The following MAPK8 variants were observed in gnomAD, a reference collection of about 807,000 sequenced individuals.
MAPK8 encodes the protein mitogen-activated protein kinase 8.
Under a neutral mutation model 52.9 loss-of-function variants are expected in MAPK8, and 13 were observed. That is an observed-to-expected ratio of 0.25 (90% CI 0.16 to 0.39). The LOEUF (loss-of-function observed/expected upper bound fraction) is 0.39. MAPK8 is among the 10% of genes least tolerant of loss of function. The pLI is 1.00. For missense variants in MAPK8, 300 were observed against 519.2 expected (o/e 0.58, Z 4.10); for synonymous variants, 191 against 169.8 (o/e 1.12, Z -0.97).
At chr10:48,330,911 C>G (rs1844076513) in intron 1 of MAPK8, among the ~76,000 whole-genome samples, 1 of 152,156 alleles carries the variant, frequency 6.6e-6, no homozygotes, top group Non-Finnish European at 1.5e-5. Flanking sequence ...ATGAGCCATG[C>G]AATTTGTCAC....
At chr10:48,359,145 C>G (rs889092156) in intron 1 of MAPK8, among the ~76,000 whole-genome samples, 5 of 152,110 alleles carry the variant, frequency 3.3e-5, no homozygotes, top group African/African-American at 9.7e-5. Flanking sequence ...TTATTTTCTT[C>G]CTTTTACTAT....
intron 1 of MAPK8, among the ~76,000 whole-genome samples, chr10:48,312,451 G>A (rs1271906808): frequency 6.6e-6 from 1 of 152,178 alleles, no homozygotes; most frequent in African/African-American, 2.4e-5. Context: ...ACTGCCTCTT[G>A]GTGCTGAGAG....
At chr10:48,398,333 A>G (rs904127693) in intron 1 of MAPK8, among the ~76,000 whole-genome samples, 3 of 152,078 alleles carry the variant, frequency 2.0e-5, no homozygotes, top group Non-Finnish European at 4.4e-5. Context: ...AAATAATTAC[A>G]TAAACGGCAT....
At chr10:48,376,859 A>G (rs2040694720) in intron 1 of MAPK8, among the ~76,000 whole-genome samples, 1 of 152,208 alleles carries the variant, frequency 6.6e-6, no homozygotes, top group South Asian at 2.1e-4. Flanking sequence ...CAGCAATCCC[A>G]TTACTGGTTA....
In MAPK8 at chr10:48,436,923, G is replaced by A. The variant is rs1224985131; in HGVS notation, c.*1894G>A. 2 of 152,198 alleles carry A rather than the reference G, an allele frequency of 1.3e-5. No homozygotes were observed. The highest frequency in any genetic ancestry group is 2.9e-5 in the Non-Finnish European group (2 of 68,034). 9.4% of individuals were successfully genotyped at this position (152,198 alleles called of 1,614,324 possible). ...AATTTCAGCAGAAATTTGAGAATGA[G>A]TGTGTTTATATTAATTTCACAATTA... On this transcript the variant is annotated 3_prime_UTR_variant, in exon 12 of 12. Coordinates refer to ENST00000374189, the MANE Select transcript of MAPK8 (RefSeq NM_001323329.2).
intron 1 of MAPK8, among the ~76,000 whole-genome samples, chr10:48,321,090 T>TTTG (rs1842952538): frequency 4.3e-5 from 1 of 23,262 alleles, no homozygotes; most frequent in East Asian, 1.2e-3. Context: ...GTTGTAAGAG[T>TTTG]TTTTTTTTTT....
In MAPK8 at chr10:48,392,388, C is replaced by T. The variant is rs144821462; in HGVS notation, c.-49-9224C>T. ...AACAAGGTATATGGGAGTTAAGAGC[C>T]GGGAGCTGTGGATGAAAACCTATAT... is the stretch of plus-strand genomic sequence containing the variant. On this transcript the variant is annotated intron_variant, in intron 1 of 11. Transcript: ENST00000374189. Among the ~76,000 whole-genome samples, 322 of 152,034 alleles carry T rather than the reference C, an allele frequency of 2.1e-3. 1 individual carries two copies. Among genetic ancestry groups the T allele is most frequent in the African/African-American group, 7.0e-3 (289 of 41,452 alleles).
At chr10:48,343,120 A>G (rs1845459968) in intron 1 of MAPK8, among the ~76,000 whole-genome samples, 1 of 152,238 alleles carries the variant, frequency 6.6e-6, no homozygotes. Flanking sequence ...TACCAGTTCT[A>G]CTGGCTTGAA....
chr10:48,393,423 C>T (rs1323092063), intron 1 of MAPK8, among the ~76,000 whole-genome samples: 1 of 152,078 alleles, frequency 6.6e-6, no homozygotes, highest in Non-Finnish European at 1.5e-5. Context: ...TAACCATAGT[C>T]AATTAATCAT....
chr10:48,318,200 C>T (rs1383776504), intron 1 of MAPK8, among the ~76,000 whole-genome samples: 1 of 152,112 alleles, frequency 6.6e-6, no homozygotes, highest in East Asian at 1.9e-4. Flanking sequence ...TTGTTTTTCT[C>T]AGGGAAACTT....
At chr10:48,380,690 G>A (rs555536555) in intron 1 of MAPK8, among the ~76,000 whole-genome samples, 1 of 152,174 alleles carries the variant, frequency 6.6e-6, no homozygotes, top group Non-Finnish European at 1.5e-5. Flanking sequence ...CCAAGATCAC[G>A]CCAGTGCGCT....
chr10:48,326,891 A>G (rs1475415337), intron 1 of MAPK8, among the ~76,000 whole-genome samples: 1 of 152,198 alleles, frequency 6.6e-6, no homozygotes, highest in Non-Finnish European at 1.5e-5. Context: ...CAGTATCAGA[A>G]TTGTTAACTC....
rs372550902 is a variant in MAPK8 at position 48,340,561 on chromosome 10, T to C, written c.-50+33740T>C. On this transcript the variant is annotated intron_variant, in intron 1 of 11. Transcript: ENST00000374189. ...TACTTAAAATAAATATACTCATAAT[T>C]CTCTATTAAATATAATTTTCACTAT... 5.9e-5 allele frequency among the ~76,000 whole-genome samples: 9 copies of C among 152,276 alleles called. No individual in the cohort carries two copies. In the East Asian group the frequency reaches 1.5e-3, roughly 26 times the overall value.
chr10:48,412,599 G>A (rs1273343867), intron 5 of MAPK8, among the ~76,000 whole-genome samples: 1 of 152,118 alleles, frequency 6.6e-6, no homozygotes, highest in East Asian at 1.9e-4. Flanking sequence ...GTCCCAGGCA[G>A]CATTGGGCTA....
intron 10 of MAPK8, chr10:48,430,538 T>G (rs759856770): frequency 6.6e-6 from 1 of 152,448 alleles, no homozygotes; most frequent in African/African-American, 2.4e-5. Context: ...GTGTGTCTCT[T>G]CAGTTGGAAC....
At chr10:48,410,214 G>A (rs1252341193) in intron 5 of MAPK8, 46 bp downstream of exon 5, 4 of 1,434,604 alleles carry the variant, frequency 2.8e-6, no homozygotes, top group Non-Finnish European at 3.7e-6. Context: ...TCTCATTGAG[G>A]TGAAATTCAT....
At chr10:48,357,571 A>AT (rs1278750126) in intron 1 of MAPK8, among the ~76,000 whole-genome samples, 7 of 151,824 alleles carry the variant, frequency 4.6e-5, no homozygotes, top group Non-Finnish European at 8.8e-5. Context: ...TAAATTTTGT[A>AT]TTTTTTAATA....
At chr10:48,365,772 T>TA (rs1847976384) in intron 1 of MAPK8, among the ~76,000 whole-genome samples, 1 of 152,110 alleles carries the variant, frequency 6.6e-6, no homozygotes, top group Admixed American at 6.6e-5. Context: ...TAGATATGAG[T>TA]ATAAGGAAGA....
chr10:48,399,077 C>A (rs903183546), intron 1 of MAPK8, among the ~76,000 whole-genome samples: 2 of 152,134 alleles, frequency 1.3e-5, no homozygotes, highest in Non-Finnish European at 2.9e-5. Flanking sequence ...GTGTTCAGAT[C>A]TTGCTTAAAC....
Sources: gnomAD v4.1 joint callset for allele counts (sites outside exome capture counted in the v4.1 genomes callset) on GRCh38, gnomAD v4.1.1 for gene constraint, MANE v1.5 for transcripts, NCBI Gene and HGNC (gene_info 2026-07-23, HGNC 2026-07-21) for gene names.